The following ZNF521 variants were observed in gnomAD, a reference collection of about 807,000 sequenced individuals.
ZNF521 encodes LYST-interacting protein 3.
A neutral mutation model predicts 105.5 loss-of-function variants in ZNF521; 14 were observed. That is an observed-to-expected ratio of 0.13 (90% confidence interval 0.09 to 0.21). The LOEUF is 0.21. Among genes scored for constraint, ZNF521 ranks in the 10% least tolerant of loss-of-function variants. The pLI is 1.00. For synonymous variants in ZNF521, 635 were observed against 606.0 expected (o/e 1.05, Z -0.70); for missense variants, 1,233 against 1,629.7 (o/e 0.76, Z 4.19).
At chr18:25,097,082 T>C (rs1008863681) in intron 5 of ZNF521, among the ~76,000 whole-genome samples, 1 of 152,106 alleles carries the variant, frequency 6.6e-6, no homozygotes, top group Non-Finnish European at 1.5e-5. Flanking sequence ...CAAGCACACA[T>C]TTATAAGCTA....
intron 5 of ZNF521, among the ~76,000 whole-genome samples, chr18:25,184,168 C>T (rs2035680373): frequency 6.6e-6 from 1 of 151,848 alleles, no homozygotes; most frequent in Non-Finnish European, 1.5e-5. Flanking sequence ...TCATTTGCAC[C>T]TACTCATAAT....
intron 5 of ZNF521, among the ~76,000 whole-genome samples, chr18:25,127,130 G>A (rs151031574): frequency 6.6e-6 from 1 of 152,140 alleles, no homozygotes; most frequent in Non-Finnish European, 1.5e-5. Context: ...AATATGATGT[G>A]GAAGCTGTTT....
chr18:25,116,915 ATATCTATG>A (rs2034322868), intron 5 of ZNF521, among the ~76,000 whole-genome samples: 5 of 137,772 alleles, frequency 3.6e-5, no homozygotes, highest in South Asian at 4.5e-4. Context: ...ATATATACGT[ATATCTATG>A]TATATATATA....
intron 5 of ZNF521, among the ~76,000 whole-genome samples, chr18:25,158,495 T>C (rs1197681392): frequency 6.6e-6 from 1 of 152,166 alleles, no homozygotes; most frequent in Non-Finnish European, 1.5e-5. Flanking sequence ...ATAACTTCTC[T>C]ATATTGTTAT....
At chr18:25,246,829 G>C (rs1467390110) in intron 3 of ZNF521, among the ~76,000 whole-genome samples, 3 of 152,074 alleles carry the variant, frequency 2.0e-5, no homozygotes, top group Non-Finnish European at 4.4e-5. Context: ...CTTGACCATA[G>C]TCTTTACTTG....
At chr18:25,228,901 A>T (rs1481432853) in intron 3 of ZNF521, among the ~76,000 whole-genome samples, 1 of 152,212 alleles carries the variant, frequency 6.6e-6, no homozygotes, top group Non-Finnish European at 1.5e-5. Context: ...ATTCAAGATC[A>T]GAAGAAACTT....
chr18:25,267,201 C>A (rs922031626), intron 3 of ZNF521, among the ~76,000 whole-genome samples: 1 of 152,186 alleles, frequency 6.6e-6, no homozygotes, highest in African/African-American at 2.4e-5. Context: ...CTCAGCAAGG[C>A]CTCTGCGGCC....
chr18:25,117,635 A>G (rs998544756), intron 5 of ZNF521, among the ~76,000 whole-genome samples: 2 of 152,126 alleles, frequency 1.3e-5, no homozygotes, highest in Admixed American at 1.3e-4. Context: ...ATAATTTTTG[A>G]AATAAAATAA....
chr18:25,076,584 T>C (rs936185590), intron 7 of ZNF521, among the ~76,000 whole-genome samples: 5 of 152,238 alleles, frequency 3.3e-5, no homozygotes, highest in Admixed American at 1.3e-4. Context: ...TCTCCATGAA[T>C]ACAATCGAGC....
intron 3 of ZNF521, among the ~76,000 whole-genome samples, chr18:25,235,563 G>A (rs1372385800): frequency 3.9e-5 from 6 of 152,200 alleles, no homozygotes; most frequent in Non-Finnish European, 7.3e-5. Flanking sequence ...TGGTCTAACA[G>A]AATGTTTTGT....
chr18:25,239,922 T>C (rs4577175), intron 3 of ZNF521, among the ~76,000 whole-genome samples: 69,009 of 151,770 alleles, frequency 0.45, 17,539 homozygotes, highest in African/African-American at 0.7. Context: ...AGTTAACATA[T>C]TTTCTCTCTC....
intron 5 of ZNF521, among the ~76,000 whole-genome samples, chr18:25,125,515 G>A (rs1381803539): frequency 6.6e-6 from 1 of 151,966 alleles, no homozygotes; most frequent in Non-Finnish European, 1.5e-5. Flanking sequence ...TCTTGTGTGT[G>A]TATGTGTATA....
chr18:25,170,557 G>T (rs1243987816), intron 5 of ZNF521, among the ~76,000 whole-genome samples: 18 of 152,036 alleles, frequency 1.2e-4, no homozygotes, highest in Non-Finnish European at 7.4e-5. Flanking sequence ...GAGTCTGTTG[G>T]TACACACTAT....
At chr18:25,295,627 A>AT (rs1911282729) in intron 3 of ZNF521, among the ~76,000 whole-genome samples, 1 of 152,010 alleles carries the variant, frequency 6.6e-6, no homozygotes, top group Non-Finnish European at 1.5e-5. Context: ...AAAAAAAAAA[A>AT]AGTAAATATT....
Position 25,227,417 on chromosome 18 carries a change from G to T in ZNF521, c.501C>A (p.Leu167=). 1.2e-6 allele frequency: 2 copies of T among 1,614,144 alleles called. No individual in the cohort carries two copies. The highest frequency in any genetic ancestry group is 1.7e-6 in the Non-Finnish European group (2 of 1,180,024). The change falls in exon 4 of 8, where the codon CTC becomes CTA. Residue 167 remains leucine, a synonymous_variant. Coordinates refer to ENST00000361524, the MANE Select transcript of ZNF521 (RefSeq NM_015461.3). The surrounding 1 kb of genome is among the most constrained non-coding windows in gnomAD (Gnocchi z 5.7). ...HKRSRDRHIK[L]HTGDKKYHCS... is the part of the protein sequence containing the mutation. ...AGTGGTACTTCTTGTCCCCGGTGTG[G>T]AGTTTTATGTGGCGATCTCGGCTGC...
chr18:25,302,922 T>A (rs187377178), intron 3 of ZNF521: 1 of 152,372 alleles, frequency 6.6e-6, no homozygotes, highest in Non-Finnish European at 1.5e-5. Flanking sequence ...TACAAAATGT[T>A]ACACAATAAT....
At chr18:25,273,158 C>T (rs1249721887) in intron 3 of ZNF521, among the ~76,000 whole-genome samples, 2 of 125,860 alleles carry the variant, frequency 1.6e-5, no homozygotes, top group Non-Finnish European at 3.1e-5. Context: ...GCCCAGGATA[C>T]GAAGGTTGCA....
chr18:25,209,764 T>C (rs1215476077), intron 4 of ZNF521, among the ~76,000 whole-genome samples: 1 of 152,232 alleles, frequency 6.6e-6, no homozygotes, highest in Non-Finnish European at 1.5e-5. Flanking sequence ...ACTGTGATTA[T>C]ATTTGTCACC....
intron 4 of ZNF521, among the ~76,000 whole-genome samples, chr18:25,197,702 A>G (rs909884593): frequency 1.3e-5 from 2 of 151,772 alleles, no homozygotes; most frequent in Non-Finnish European, 3.0e-5. Flanking sequence ...ACTTTCACCC[A>G]TTGGCCCTAA....
Sources: allele counts gnomAD v4.1 joint callset (sites outside exome capture counted in the v4.1 genomes callset), GRCh38; gene constraint gnomAD v4.1.1; non-coding constraint Gnocchi (gnomAD v3.1); transcripts MANE v1.5; gene names NCBI Gene and HGNC (gene_info 2026-07-23, HGNC 2026-07-21).